RNLS: variants seen among roughly 807,000 people sequenced by gnomAD.
RNLS encodes the protein renalase.
Under a neutral mutation model 39.8 loss-of-function variants are expected in RNLS, and 39 were observed. The ratio of observed to expected loss-of-function variants is 0.98; its 90% CI spans 0.76 to 1.28. The LOEUF is 1.28. Among genes scored for constraint, RNLS ranks in the 50% most tolerant of loss-of-function variants. The pLI is 0.00. For missense variants in RNLS, 410 were observed against 413.3 expected (o/e 0.99, Z 0.07); for synonymous variants, 147 against 150.7 (o/e 0.98, Z 0.18).
intron 6 of RNLS, among the ~76,000 whole-genome samples, chr10:88,292,414 T>G (rs1308693632): frequency 1.3e-5 from 2 of 151,936 alleles, no homozygotes; most frequent in African/African-American, 4.8e-5. Context: ...GTTTGTAGAT[T>G]TTTAGTTTTT....
At chr10:88,473,097 C>A (rs1208400361) in intron 4 of RNLS, among the ~76,000 whole-genome samples, 1 of 152,152 alleles carries the variant, frequency 6.6e-6, no homozygotes, top group African/African-American at 2.4e-5. Flanking sequence ...CAGCATGTTA[C>A]TGTACTGAAT....
chr10:88,362,451 G>A (rs1589650547), intron 5 of RNLS, 101 bp downstream of exon 5: 1 of 1,087,856 alleles, frequency 9.2e-7, no homozygotes, highest in East Asian at 2.5e-5. Context: ...GGAGTTAAAT[G>A]CTTGCTCTGT....
At chr10:88,536,524 T>C (rs998439772) in intron 4 of RNLS, among the ~76,000 whole-genome samples, 2 of 152,214 alleles carry the variant, frequency 1.3e-5, no homozygotes, top group Admixed American at 6.6e-5. Flanking sequence ...CATCTTATAA[T>C]GTTCTACAAG....
At chr10:88,178,715 A>G in the RNLS span, among the ~76,000 whole-genome samples, 2 of 152,136 alleles carry the variant, frequency 1.3e-5, no homozygotes, top group African/African-American at 4.8e-5. Flanking sequence ...TTTTCTATGG[A>G]GGAGGCAAGT....
intron 4 of RNLS, among the ~76,000 whole-genome samples, chr10:88,570,659 G>C (rs1172098835): frequency 6.6e-6 from 1 of 152,206 alleles, no homozygotes; most frequent in Non-Finnish European, 1.5e-5. Flanking sequence ...CCCATGTCAG[G>C]TCAATAGGAT....
chr10:88,194,088 C>T, the RNLS span, among the ~76,000 whole-genome samples: 2 of 152,178 alleles, frequency 1.3e-5, no homozygotes, highest in Non-Finnish European at 2.9e-5. Flanking sequence ...CTCAATATAT[C>T]TTTTGGGCAT....
the RNLS span, among the ~76,000 whole-genome samples, chr10:88,185,545 C>G: frequency 6.6e-6 from 1 of 152,146 alleles, no homozygotes. Flanking sequence ...ATCTCCTCAT[C>G]ATAGTCTCTG....
At chr10:88,474,324 T>C (rs539995120) in intron 4 of RNLS, among the ~76,000 whole-genome samples, 1 of 152,294 alleles carries the variant, frequency 6.6e-6, no homozygotes, top group Admixed American at 6.5e-5. Flanking sequence ...TCATTGTTTC[T>C]GAATGGGGCA....
At chr10:88,446,666 T>C (rs1842053374) in intron 4 of RNLS, among the ~76,000 whole-genome samples, 1 of 152,010 alleles carries the variant, frequency 6.6e-6, no homozygotes. Context: ...CAAACTACCA[T>C]CAGAGAATAC....
chr10:88,552,350 T>C (rs560202422), intron 4 of RNLS, among the ~76,000 whole-genome samples: 1 of 152,298 alleles, frequency 6.6e-6, no homozygotes, highest in African/African-American at 2.4e-5. Context: ...GTGAGCTCCT[T>C]AAGAACTAGG....
the RNLS span, among the ~76,000 whole-genome samples, chr10:88,257,235 G>T: frequency 1.3e-5 from 2 of 152,074 alleles, no homozygotes; most frequent in East Asian, 3.9e-4. Context: ...ATCACATTAC[G>T]ATGTCAAAAT....
At chr10:88,286,051 C>G (rs1343064458) in intron 6 of RNLS, among the ~76,000 whole-genome samples, 1 of 152,118 alleles carries the variant, frequency 6.6e-6, no homozygotes, top group Admixed American at 6.6e-5. Flanking sequence ...TGATCTTGCT[C>G]TTCCCAGACC....
intron 4 of RNLS, among the ~76,000 whole-genome samples, chr10:88,462,806 G>A (rs1349225245): frequency 6.9e-6 from 1 of 145,522 alleles, no homozygotes; most frequent in African/African-American, 2.7e-5. Context: ...CAAAGTAAAT[G>A]AAAATATTTG....
At chr10:88,285,542 T>G in intron 6 of RNLS, 36 bp from the exon 7 acceptor site, 1 of 1,566,694 alleles carries the variant, frequency 6.4e-7, no homozygotes. Flanking sequence ...ATTGACATTC[T>G]GTGCTCTATT....
At chr10:88,365,576 G>A (rs544541159) in intron 4 of RNLS, among the ~76,000 whole-genome samples, 123 of 149,462 alleles carry the variant, frequency 8.2e-4, no homozygotes, top group Non-Finnish European at 1.5e-3. Context: ...TGTAGGATAT[G>A]TTATATATTA....
At chr10:88,172,842 GTTTTTTTTTTTTTTTTTTTTT>G in the RNLS span, among the ~76,000 whole-genome samples, 11,164 of 44,162 alleles carry the variant, frequency 0.25, 1,240 homozygotes, top group Middle Eastern at 0.44. Flanking sequence ...ATTTTGAGTT[GTTTTTTTTTTTTTTTTTTTTT>G]TTTTTTTTTT....
At chr10:88,294,141 G>T (rs2132904524) in intron 6 of RNLS, among the ~76,000 whole-genome samples, 1 of 152,226 alleles carries the variant, frequency 6.6e-6, no homozygotes, top group Non-Finnish European at 1.5e-5. Context: ...AGTGAATGCG[G>T]TTCATATTGA....
chr10:88,286,104 T>G (rs1305806098), intron 6 of RNLS, among the ~76,000 whole-genome samples: 5 of 152,076 alleles, frequency 3.3e-5, no homozygotes. Flanking sequence ...AGCCACCCAC[T>G]CTATGGTATT....
At chr10:88,210,160 G>A in the RNLS span, among the ~76,000 whole-genome samples, 211 of 152,280 alleles carry the variant, frequency 1.4e-3, 1 homozygote, top group African/African-American at 4.9e-3. Context: ...GCCTCACCTT[G>A]TCTATATTAT....
Sources: allele counts gnomAD v4.1 joint callset (sites outside exome capture counted in the v4.1 genomes callset), GRCh38; gene constraint gnomAD v4.1.1; transcripts MANE v1.5; gene names NCBI Gene and HGNC (gene_info 2026-07-23, HGNC 2026-07-21).